Variants in ZBTB46 observed in about 807,000 individuals in gnomAD.
ZBTB46 encodes zinc finger and BTB domain-containing protein 46.
In ZBTB46, 8 loss-of-function variants were observed where a neutral mutation model predicts 44.1. The observed-to-expected ratio is 0.18, with a 90% CI of 0.11 to 0.33. ZBTB46 has a LOEUF of 0.33. Among genes scored for constraint, ZBTB46 ranks in the 10% least tolerant of loss-of-function variants. The pLI is 1.00. For synonymous variants in ZBTB46, 409 were observed against 382.3 expected (o/e 1.07, Z -0.81); for missense variants, 651 against 847.7 (o/e 0.77, Z 2.88).
intron 4 of ZBTB46, among the ~76,000 whole-genome samples, chr20:63,751,102 CAT>C (rs1190392566): frequency 6.6e-6 from 1 of 152,190 alleles, no homozygotes; most frequent in Non-Finnish European, 1.5e-5. Flanking sequence ...GAATAGGAAA[CAT>C]GTCGGCCTGG....
intron 2 of ZBTB46, among the ~76,000 whole-genome samples, chr20:63,785,572 T>C (rs1310578028): frequency 1.3e-5 from 2 of 151,952 alleles, no homozygotes; most frequent in East Asian, 1.9e-4. Flanking sequence ...ATAAAAAAAA[T>C]TTAAAAAAGG....
In ZBTB46 at chr20:63,787,374, G is replaced by A. The variant is rs1016404247; in HGVS notation, c.937+2447C>T. On this transcript the variant is annotated intron_variant, in intron 2 of 4. Coordinates refer to ENST00000245663, the MANE Select transcript of ZBTB46 (RefSeq NM_001369741.1). The surrounding 1 kb of genome is among the most constrained non-coding windows in gnomAD (Gnocchi z 4.6). ...CCAAGTGTTTATAAAGTCTGCAGCA[G>A]TGCACAGTTCTGTCCTCAGCCTTCA... Among the ~76,000 whole-genome samples the A allele has an allele frequency of 6.6e-6, 1 of 152,250 alleles. No homozygotes were observed. The highest frequency in any genetic ancestry group is 1.5e-5 in the Non-Finnish European group (1 of 68,050).
intron 3 of ZBTB46, among the ~76,000 whole-genome samples, chr20:63,771,598 C>T (rs1000446807): frequency 6.6e-5 from 10 of 151,684 alleles, no homozygotes; most frequent in Admixed American, 1.3e-4. Flanking sequence ...ACCGCGGCAG[C>T]CCCCCGAGAG....
intron 3 of ZBTB46, chr20:63,769,176 G>A: frequency 1.0e-6 from 1 of 984,010 alleles, no homozygotes; most frequent in Non-Finnish European, 1.2e-6. Context: ...ACGCACACAT[G>A]GGTGTCAGGG....
intron 1 of ZBTB46, among the ~76,000 whole-genome samples, chr20:63,808,987 AAAAAAAAAAAAAGAAAAAG>A (rs1239698497): frequency 5.3e-4 from 78 of 147,074 alleles, no homozygotes; most frequent in Admixed American, 6.7e-4. Flanking sequence ...AAAAAAAAAA[AAAAAAAAAAAAAGAAAAAG>A]AAAAAAAAAA....
intron 1 of ZBTB46, among the ~76,000 whole-genome samples, chr20:63,816,151 A>G (rs80239719): frequency 0.014 from 1,756 of 125,192 alleles, 19 homozygotes; most frequent in Non-Finnish European, 0.017. Context: ...GTGCAGGTGC[A>G]GTGGGTGCAG....
intron 1 of ZBTB46, among the ~76,000 whole-genome samples, chr20:63,796,018 C>T (rs1453807569): frequency 6.6e-6 from 1 of 152,208 alleles, no homozygotes; most frequent in Non-Finnish European, 1.5e-5. Context: ...CATTTGAGGA[C>T]GAATGTGCCC....
intron 3 of ZBTB46, among the ~76,000 whole-genome samples, chr20:63,772,680 A>G (rs1324390366): frequency 6.6e-5 from 10 of 151,758 alleles, no homozygotes; most frequent in South Asian, 2.1e-4. Flanking sequence ...GATAGTGCCA[A>G]TGCACTCCAG....
chr20:63,831,386 C>G (rs1432408448), upstream of ZBTB46: 10 of 142,226 alleles, frequency 7.0e-5, no homozygotes, highest in Admixed American at 6.9e-4. Flanking sequence ...CGCCGCGCCC[C>G]GGCCGCGGCC....
chr20:63,750,824 G>A (rs2145759543), intron 4 of ZBTB46, among the ~76,000 whole-genome samples: 1 of 152,042 alleles, frequency 6.6e-6, no homozygotes, highest in Admixed American at 6.5e-5. Flanking sequence ...GATCGCTTGA[G>A]CCCGGGAGGT....
At chr20:63,781,510 G>A (rs2092469849) in intron 2 of ZBTB46, among the ~76,000 whole-genome samples, 1 of 152,234 alleles carries the variant, frequency 6.6e-6, no homozygotes, top group Non-Finnish European at 1.5e-5. Flanking sequence ...CCATAGAGAA[G>A]CCAGGTGTGG....
At chr20:63,802,226 T>C (rs187114853) in intron 1 of ZBTB46, among the ~76,000 whole-genome samples, 1,610 of 152,192 alleles carry the variant, frequency 0.011, 23 homozygotes, top group African/African-American at 0.036. Context: ...AGTTTGAGAC[T>C]AGCCTGGCCA....
chr20:63,788,772 G>A (rs1017307442), intron 2 of ZBTB46, among the ~76,000 whole-genome samples: 1 of 151,786 alleles, frequency 6.6e-6, no homozygotes, highest in East Asian at 2.0e-4. Flanking sequence ...CCGGGAGACA[G>A]AGGTTGCAGT....
At chr20:63,808,976 C>CA (rs1157399042) in intron 1 of ZBTB46, among the ~76,000 whole-genome samples, 1,345 of 74,542 alleles carry the variant, frequency 0.018, 37 homozygotes, top group Non-Finnish European at 0.024. Context: ...GACTCCGCTT[C>CA]AAAAAAAAAA....
upstream of ZBTB46, among the ~76,000 whole-genome samples, chr20:63,831,914 G>A (rs1327809826): frequency 6.6e-6 from 1 of 151,852 alleles, no homozygotes; most frequent in Non-Finnish European, 1.5e-5. Flanking sequence ...CCGGGGTGCG[G>A]GGTCTGGAAG....
At position 63,803,702 on chromosome 20, in the gene ZBTB46, C is replaced by T. The variant is rs528129750; in HGVS notation, c.-33-12912G>A. Among the ~76,000 whole-genome samples, 2 of 152,124 alleles carry T rather than the reference C, an allele frequency of 1.3e-5. No homozygotes were observed. The highest frequency in any genetic ancestry group is 2.4e-5 in the African/African-American group (1 of 41,512). ...CCTCCGCCTTCCCGAACCTGGCTAC[C>T]GTCACTTCCTTCTTTTTGTTTTTGT... On this transcript the variant is annotated intron_variant, in intron 1 of 4. Transcript: ENST00000245663. This position sits in a 1 kb window ranked among gnomAD's most constrained non-coding sequence, Gnocchi z 4.0.
At chr20:63,763,167 A>G (rs1346539035) in intron 3 of ZBTB46, among the ~76,000 whole-genome samples, 1 of 152,290 alleles carries the variant, frequency 6.6e-6, no homozygotes, top group African/African-American at 2.4e-5. Context: ...GCCAATAAAT[A>G]GTTTTTAAAA....
chr20:63,755,092 G>C (rs902454355), intron 3 of ZBTB46, among the ~76,000 whole-genome samples: 3 of 152,224 alleles, frequency 2.0e-5, no homozygotes, highest in African/African-American at 7.2e-5. Context: ...GCAGGACTCA[G>C]CGTTAATAAC....
intron 1 of ZBTB46, among the ~76,000 whole-genome samples, chr20:63,814,365 A>T (rs1410693653): frequency 6.6e-6 from 1 of 152,210 alleles, no homozygotes; most frequent in Non-Finnish European, 1.5e-5. Flanking sequence ...GTTCTCTCTA[A>T]TTTTGTGTAT....
Sources: gnomAD v4.1 joint callset for allele counts (sites outside exome capture counted in the v4.1 genomes callset) on GRCh38, gnomAD v4.1.1 for gene constraint, Gnocchi (gnomAD v3.1) non-coding constraint, MANE v1.5 for transcripts, NCBI Gene and HGNC (gene_info 2026-07-23, HGNC 2026-07-21) for gene names.